The following WDR27 variants were observed in gnomAD, a reference collection of about 807,000 sequenced individuals.
The protein encoded by WDR27 is WD repeat-containing protein 27.
A neutral mutation model predicts 114.4 loss-of-function variants in WDR27; 100 were observed. The ratio of observed to expected loss-of-function variants is 0.87; its 90% confidence interval spans 0.74 to 1.03. The LOEUF (loss-of-function observed/expected upper bound fraction) is 1.03, where lower values mean the gene tolerates loss of function less well. WDR27 is among the 50% of genes least tolerant of loss of function. The pLI, the probability that WDR27 is intolerant of heterozygous loss-of-function variation, is 0.00. For synonymous variants in WDR27, 449 were observed against 423.1 expected (o/e 1.06, Z -0.75); for missense variants, 1,129 against 1,092.9 (o/e 1.03, Z -0.47).
intron 25 of WDR27, among the ~76,000 whole-genome samples, chr6:169,521,805 A>T (rs1324419966): frequency 6.6e-6 from 1 of 152,090 alleles, no homozygotes; most frequent in Non-Finnish European, 1.5e-5. Context: ...TAAAAGAGTG[A>T]CAAAAAATTA....
chr6:169,501,424 C>A (rs1377339683), intron 25 of WDR27, among the ~76,000 whole-genome samples: 1 of 152,174 alleles, frequency 6.6e-6, no homozygotes, highest in African/African-American at 2.4e-5. Flanking sequence ...TGTGCCTGCT[C>A]CCAACCTCAC....
intron 22 of WDR27, among the ~76,000 whole-genome samples, chr6:169,610,160 T>C (rs1443779162): frequency 6.6e-6 from 1 of 152,216 alleles, no homozygotes; most frequent in Non-Finnish European, 1.5e-5. Context: ...TCCCACATTT[T>C]CCTATCCTCT....
At chr6:169,544,234 T>C (rs1044375907) in intron 25 of WDR27, among the ~76,000 whole-genome samples, 1 of 152,004 alleles carries the variant, frequency 6.6e-6, no homozygotes, top group Admixed American at 6.6e-5. Flanking sequence ...CTCTAAGGTA[T>C]AGCGACTGAG....
At chr6:169,475,660 T>A (rs567184739) in intron 25 of WDR27, among the ~76,000 whole-genome samples, 8 of 152,338 alleles carry the variant, frequency 5.3e-5, no homozygotes, top group African/African-American at 1.7e-4. Context: ...CTTTTCCCCA[T>A]TATTTTGTGC....
chr6:169,548,081 T>C (rs753611939), intron 25 of WDR27, among the ~76,000 whole-genome samples: 1 of 152,118 alleles, frequency 6.6e-6, no homozygotes, highest in Non-Finnish European at 1.5e-5. Context: ...CACAATATCA[T>C]TTACATTAGC....
chr6:169,488,042 A>G (rs1016243510), intron 25 of WDR27, among the ~76,000 whole-genome samples: 3 of 152,212 alleles, frequency 2.0e-5, no homozygotes, highest in South Asian at 4.1e-4. Context: ...AACCTGGCAT[A>G]TGAAATGATG....
intron 22 of WDR27, among the ~76,000 whole-genome samples, chr6:169,608,621 A>G (rs1809794073): frequency 6.6e-5 from 10 of 152,162 alleles, no homozygotes; most frequent in Admixed American, 6.5e-4. Flanking sequence ...ATTATTTCCA[A>G]CCAGGTCCCT....
intron 21 of WDR27, among the ~76,000 whole-genome samples, chr6:169,631,030 G>A (rs574024294): frequency 6.6e-6 from 1 of 152,348 alleles, no homozygotes; most frequent in Non-Finnish European, 1.5e-5. Flanking sequence ...AATACCAACA[G>A]TGCTGCCTAG....
At chr6:169,639,924 G>A (rs1818740888) in intron 17 of WDR27, among the ~76,000 whole-genome samples, 1 of 152,198 alleles carries the variant, frequency 6.6e-6, no homozygotes, top group South Asian at 2.1e-4. Context: ...CTTCTCAGAG[G>A]TCGGCCCTGG....
chr6:169,590,604 T>C (rs1181301141), intron 23 of WDR27, among the ~76,000 whole-genome samples: 1 of 152,246 alleles, frequency 6.6e-6, no homozygotes, highest in Non-Finnish European at 1.5e-5. Flanking sequence ...GGGAGGCGAA[T>C]GGCACCATCT....
At chr6:169,490,550 G>A (rs1387372273) in intron 25 of WDR27, among the ~76,000 whole-genome samples, 1 of 152,202 alleles carries the variant, frequency 6.6e-6, no homozygotes, top group Non-Finnish European at 1.5e-5. Context: ...GCCAAGGTCC[G>A]ATATCAGTTG....
chr6:169,693,534 A>C (rs1052881873), intron 1 of WDR27, among the ~76,000 whole-genome samples: 1 of 152,218 alleles, frequency 6.6e-6, no homozygotes, highest in Non-Finnish European at 1.5e-5. Flanking sequence ...GGAAAGATAC[A>C]AAATGGCAGA....
intron 25 of WDR27, among the ~76,000 whole-genome samples, chr6:169,524,090 C>A (rs1054081730): frequency 2.0e-5 from 3 of 152,074 alleles, no homozygotes; most frequent in Admixed American, 6.5e-5. Flanking sequence ...AGTAAAGTTG[C>A]AGGATACACA....
chr6:169,554,146 C>T (rs1293656617), intron 25 of WDR27, among the ~76,000 whole-genome samples: 2 of 152,162 alleles, frequency 1.3e-5, no homozygotes, highest in Admixed American at 6.5e-5. Context: ...AGAAACCCAA[C>T]AGCAAAGGGC....
Position 169,632,051 on chromosome 6 carries a change from G to T in WDR27, c.2223+896C>A, listed in dbSNP as rs1346055089. 3.9e-5 allele frequency among the ~76,000 whole-genome samples: 6 copies of T among 152,042 alleles called. No homozygotes were observed. In the East Asian group the frequency reaches 1.2e-3, roughly 29 times the overall value. The stretch of plus-strand genomic sequence containing the variant: ...AATACAAAACAAATTAGCCAGGTGT[G>T]GTGGCTCATGCCTGTAATCCCAGCT... On this transcript the variant is annotated intron_variant, in intron 21 of 25. Coordinates refer to ENST00000448612, the MANE Select transcript of WDR27 (RefSeq NM_182552.5).
chr6:169,621,590 G>C (rs146022806), intron 21 of WDR27, among the ~76,000 whole-genome samples: 2 of 128,466 alleles, frequency 1.6e-5, no homozygotes, highest in Non-Finnish European at 1.7e-5. Flanking sequence ...ATGCACGCAC[G>C]CATATACATA....
chr6:169,591,460 G>A (rs2867155), intron 23 of WDR27, among the ~76,000 whole-genome samples: 72,747 of 152,040 alleles, frequency 0.48, 21,375 homozygotes, highest in Non-Finnish European at 0.67. Flanking sequence ...TAGGGTATTT[G>A]GTTTACTTAA....
Position 169,693,809 on chromosome 6 carries a change from T to C in WDR27, c.-7-4797A>G, listed in dbSNP as rs1195124512. On this transcript the variant is annotated intron_variant, in intron 1 of 25. Transcript: ENST00000448612. ...GGAAAATATCACAATCCTAAATATA[T>C]ACACACCTAACACAGAAGCTCCCAA... Among the ~76,000 whole-genome samples, 4 of 151,334 alleles carry C rather than the reference T, an allele frequency of 2.6e-5. No individual in the cohort carries two copies. The East Asian group carries it at 5.8e-4, about 22-fold the overall frequency.
intron 2 of WDR27, among the ~76,000 whole-genome samples, chr6:169,687,592 AG>A (rs1783343313): frequency 6.6e-6 from 1 of 152,184 alleles, no homozygotes; most frequent in South Asian, 2.1e-4. Flanking sequence ...TTCAACTGAA[AG>A]TCACACACCA....
Sources: allele counts gnomAD v4.1 joint callset (sites outside exome capture counted in the v4.1 genomes callset), GRCh38; gene constraint gnomAD v4.1.1; transcripts MANE v1.5; gene names NCBI Gene and HGNC (gene_info 2026-07-23, HGNC 2026-07-21).